TRIM24: variants seen among roughly 807,000 people sequenced by gnomAD.
TRIM24 encodes the protein tripartite motif containing 24.
Under a neutral mutation model 123.9 loss-of-function variants are expected in TRIM24, and 29 were observed. The observed-to-expected ratio is 0.23, with a 90% CI of 0.17 to 0.32. The LOEUF (loss-of-function observed/expected upper bound fraction) is 0.32. Among genes scored for constraint, TRIM24 ranks in the 10% least tolerant of loss-of-function variants. TRIM24 has a pLI of 1.00. For missense variants in TRIM24, 932 were observed against 1,295.3 expected (o/e 0.72, Z 4.31); for synonymous variants, 456 against 461.1 (o/e 0.99, Z 0.14).
chr7:138,549,388 C>T (rs1382406365), intron 7 of TRIM24, among the ~76,000 whole-genome samples: 1 of 152,156 alleles, frequency 6.6e-6, no homozygotes, highest in Admixed American at 6.5e-5. Context: ...TGAGATTGTG[C>T]ACTGCCAAGA....
intron 1 of TRIM24, among the ~76,000 whole-genome samples, chr7:138,499,390 AG>A (rs1795983631): frequency 6.6e-6 from 1 of 152,224 alleles, no homozygotes; most frequent in Non-Finnish European, 1.5e-5. Context: ...TAAGCACAAC[AG>A]GTTACATGAA....
chr7:138,579,997 C>G (rs1362584691), intron 15 of TRIM24, among the ~76,000 whole-genome samples: 1 of 152,088 alleles, frequency 6.6e-6, no homozygotes, highest in Non-Finnish European at 1.5e-5. Flanking sequence ...GAACAATGTC[C>G]CTATGCATAA....
chr7:138,509,633 T>C (rs1297548366), intron 2 of TRIM24, among the ~76,000 whole-genome samples: 2 of 123,546 alleles, frequency 1.6e-5, no homozygotes, highest in Non-Finnish European at 3.1e-5. Context: ...GAACCCAGAG[T>C]GGGTGTTGCA....
chr7:138,503,458 A>C (rs1384874020), intron 1 of TRIM24, among the ~76,000 whole-genome samples: 3 of 152,002 alleles, frequency 2.0e-5, no homozygotes, highest in East Asian at 3.8e-4. Context: ...GCTATTGTAA[A>C]AAAATTTTTT....
At chr7:138,476,334 C>A (rs997031752) in intron 1 of TRIM24, among the ~76,000 whole-genome samples, 1 of 152,156 alleles carries the variant, frequency 6.6e-6, no homozygotes, top group Non-Finnish European at 1.5e-5. Flanking sequence ...GTGGCTCACG[C>A]CTGTAATCCC....
rs187406049 is a variant in TRIM24, at chr7:138,464,107, G to T, written c.364+3195G>T. On this transcript the variant is annotated intron_variant, in intron 1 of 18. Transcript: ENST00000343526. ...CCTCCCGGGTTCAGGCCATTCTCCT[G>T]CCTCAGCCTCCTGAGTAGCTGGGAC... Among the ~76,000 whole-genome samples the T allele has an allele frequency of 5.5e-3, 822 of 148,618 alleles. 3 individuals are homozygous for T. The highest frequency in any genetic ancestry group is 0.018 in the African/African-American group (733 of 40,344).
chr7:138,529,966 T>C (rs778636974), intron 6 of TRIM24, among the ~76,000 whole-genome samples: 1 of 152,124 alleles, frequency 6.6e-6, no homozygotes, highest in Non-Finnish European at 1.5e-5. Context: ...TGTTTGAAGA[T>C]TTGAGGAAAA....
intron 1 of TRIM24, among the ~76,000 whole-genome samples, chr7:138,490,249 G>A (rs145073469): frequency 2.0e-5 from 3 of 152,184 alleles, no homozygotes; most frequent in South Asian, 2.1e-4. Flanking sequence ...TTAGCCATTC[G>A]TCTAATCTTT....
chr7:138,472,177 G>A (rs543691359), intron 1 of TRIM24, among the ~76,000 whole-genome samples: 2 of 151,916 alleles, frequency 1.3e-5, no homozygotes, highest in East Asian at 3.9e-4. Flanking sequence ...TAATACTTAA[G>A]GGGAGAAAAA....
chr7:138,581,679 T>C lies in TRIM24; in HGVS notation c.2719-18T>C. On this transcript the variant is annotated intron_variant, in intron 16 of 18. Transcript: ENST00000343526. Reference sequence around the variant, plus strand: ...GTTTTATAATATTTTATCTCAGTTTTTATTTATTTTTGCTTAGAAGTGTGA... The same window carrying C: ...GTTTTATAATATTTTATCTCAGTTTCTATTTATTTTTGCTTAGAAGTGTGA... The C allele has an allele frequency of 6.3e-7, 1 of 1,592,198 alleles. No individual in the cohort carries two copies. Among genetic ancestry groups the C allele is most frequent in the Non-Finnish European group, 8.6e-7 (1 of 1,165,552 alleles).
At chr7:138,519,471 A>G in intron 4 of TRIM24, 150 bp downstream of exon 4, 3 of 818,040 alleles carry the variant, frequency 3.7e-6, no homozygotes, top group Non-Finnish European at 5.6e-6. Flanking sequence ...CACTTTTGAC[A>G]CTATTGATGT....
chr7:138,494,952 C>T (rs547076927), intron 1 of TRIM24, among the ~76,000 whole-genome samples: 51 of 152,112 alleles, frequency 3.4e-4, no homozygotes, highest in African/African-American at 1.2e-3. Flanking sequence ...GAGGTACATA[C>T]CATGTGAGGA....
intron 1 of TRIM24, among the ~76,000 whole-genome samples, chr7:138,503,926 C>T (rs1308692025): frequency 6.6e-6 from 1 of 152,152 alleles, no homozygotes; most frequent in South Asian, 2.1e-4. Context: ...CCTAATTTTG[C>T]AGATCTAGAG....
At chr7:138,483,894 C>A (rs1318255544) in intron 1 of TRIM24, among the ~76,000 whole-genome samples, 1 of 152,028 alleles carries the variant, frequency 6.6e-6, no homozygotes, top group African/African-American at 2.4e-5. Flanking sequence ...TGTGCCTGGT[C>A]GCTTTGATAA....
chr7:138,504,933 G>A (rs113764872), intron 2 of TRIM24, among the ~76,000 whole-genome samples: 10 of 151,644 alleles, frequency 6.6e-5, no homozygotes, highest in African/African-American at 2.2e-4. Context: ...GCTAATTTTT[G>A]TATTTTTAGT....
At chr7:138,481,133 C>T (rs905975900) in intron 1 of TRIM24, among the ~76,000 whole-genome samples, 1 of 152,296 alleles carries the variant, frequency 6.6e-6, no homozygotes, top group East Asian at 1.9e-4. Context: ...GTAGGGATTA[C>T]AGGCATGCGC....
intron 3 of TRIM24, among the ~76,000 whole-genome samples, chr7:138,518,808 C>T (rs1237735465): frequency 6.6e-6 from 1 of 152,054 alleles, no homozygotes; most frequent in Non-Finnish European, 1.5e-5. Context: ...GCTTGATTTT[C>T]CAAATTGCAT....
At chr7:138,535,690 T>C (rs1316793020) in intron 6 of TRIM24, among the ~76,000 whole-genome samples, 1 of 152,194 alleles carries the variant, frequency 6.6e-6, no homozygotes, top group Non-Finnish European at 1.5e-5. Flanking sequence ...GATAATTATG[T>C]GTCTTGGAGT....
At position 138,587,941 on chromosome 7, in the gene TRIM24, G is replaced by C. The variant is rs953945236; in HGVS notation, c.*2990G>C. ...ATCATTTTGTCTTTTGAATTAACAT[G>C]CCCTGCTTGTCTTTTCTGAATGGAA... On this transcript the variant is annotated 3_prime_UTR_variant, in exon 19 of 19. Coordinates refer to ENST00000343526, the MANE Select transcript of TRIM24 (RefSeq NM_015905.3). The C allele has an allele frequency of 6.6e-6, 1 of 152,164 alleles. No homozygotes were observed. Among genetic ancestry groups the C allele is most frequent in the African/African-American group, 2.4e-5 (1 of 41,444 alleles). 9.4% of individuals were successfully genotyped at this position (152,164 alleles called of 1,614,324 possible). A position where few individuals can be genotyped will look rare whatever the true frequency, so the allele number is the denominator to read the frequency against.
Sources: gnomAD v4.1 joint callset for allele counts (sites outside exome capture counted in the v4.1 genomes callset) on GRCh38, gnomAD v4.1.1 for gene constraint, MANE v1.5 for transcripts, NCBI Gene and HGNC (gene_info 2026-07-23, HGNC 2026-07-21) for gene names.